The following METTL24 variants were observed in gnomAD, a reference collection of about 807,000 sequenced individuals.
METTL24 encodes probable methyltransferase-like protein 24.
A neutral mutation model predicts 32.7 loss-of-function variants in METTL24; 29 were observed. That is an observed-to-expected ratio of 0.89 (90% CI 0.66 to 1.21). The LOEUF (loss-of-function observed/expected upper bound fraction) is 1.21, where lower values mean the gene tolerates loss of function less well. Among genes scored for constraint, METTL24 ranks in the 50% most tolerant of loss-of-function variants. METTL24 has a pLI of 0.00. For missense variants in METTL24, 439 were observed against 468.1 expected (o/e 0.94, Z 0.57); for synonymous variants, 163 against 179.5 (o/e 0.91, Z 0.73).
intron 3 of METTL24, among the ~76,000 whole-genome samples, chr6:110,300,017 A>T (rs919637603): frequency 6.6e-6 from 1 of 152,198 alleles, no homozygotes. Context: ...ACTTGGCCGA[A>T]CCTAAACCCA....
intron 4 of METTL24, among the ~76,000 whole-genome samples, chr6:110,286,057 C>T (rs941250781): frequency 2.6e-5 from 4 of 152,292 alleles, no homozygotes; most frequent in African/African-American, 7.2e-5. Context: ...CTCTCACTAA[C>T]ACGTGCTCGT....
At chr6:110,318,362 C>A (rs1262275606) in intron 2 of METTL24, among the ~76,000 whole-genome samples, 1 of 152,064 alleles carries the variant, frequency 6.6e-6, no homozygotes, top group Non-Finnish European at 1.5e-5. Context: ...AAATAAAACA[C>A]AAGGGCCGGG....
chr6:110,290,273 A>G (rs188190656), intron 4 of METTL24, among the ~76,000 whole-genome samples: 32 of 152,330 alleles, frequency 2.1e-4, no homozygotes, highest in African/African-American at 7.7e-4. Flanking sequence ...CGTACTCAAA[A>G]TATAGAATGT....
intron 2 of METTL24, among the ~76,000 whole-genome samples, chr6:110,319,693 C>A (rs979156655): frequency 4.6e-5 from 7 of 151,534 alleles, no homozygotes; most frequent in Admixed American, 3.9e-4. Flanking sequence ...AGAACTCTGT[C>A]GTGTATCATG....
chr6:110,301,625 CACA>C (rs1771518606), intron 3 of METTL24, among the ~76,000 whole-genome samples: 1 of 152,160 alleles, frequency 6.6e-6, no homozygotes, highest in Non-Finnish European at 1.5e-5. Context: ...AAGAAAGCCT[CACA>C]GCTAAGCCCA....
At chr6:110,326,940 C>T (rs938079798) in intron 1 of METTL24, among the ~76,000 whole-genome samples, 1 of 152,160 alleles carries the variant, frequency 6.6e-6, no homozygotes, top group Non-Finnish European at 1.5e-5. Flanking sequence ...GCTTCTTGTT[C>T]CAGCATTCTT....
At chr6:110,313,612 C>A (rs1347891098) in intron 3 of METTL24, among the ~76,000 whole-genome samples, 1 of 152,200 alleles carries the variant, frequency 6.6e-6, no homozygotes, top group African/African-American at 2.4e-5. Flanking sequence ...ATAGGACCAA[C>A]TTGCACGTGG....
At chr6:110,316,518 A>G (rs1771822006) in intron 2 of METTL24, among the ~76,000 whole-genome samples, 1 of 152,222 alleles carries the variant, frequency 6.6e-6, no homozygotes, top group Non-Finnish European at 1.5e-5. Flanking sequence ...TAGACCACAG[A>G]CCGCTCCAGA....
intron 1 of METTL24, among the ~76,000 whole-genome samples, chr6:110,326,903 G>A (rs1294859687): frequency 6.6e-6 from 1 of 152,194 alleles, no homozygotes; most frequent in Non-Finnish European, 1.5e-5. Context: ...GCAGGGTGGA[G>A]GTTGGGCCAG....
chr6:110,340,692 T>G (rs1434878230), intron 1 of METTL24, among the ~76,000 whole-genome samples: 1 of 152,212 alleles, frequency 6.6e-6, no homozygotes, highest in Non-Finnish European at 1.5e-5. Context: ...ATCAAAATTT[T>G]GTAACTCAAA....
At chr6:110,249,731 T>G (rs1413463726) in intron 4 of METTL24, among the ~76,000 whole-genome samples, 1 of 151,954 alleles carries the variant, frequency 6.6e-6, no homozygotes, top group Non-Finnish European at 1.5e-5. Context: ...TAGATGGGAA[T>G]AATCAAGTGC....
At chr6:110,295,836 AGG>A (rs1771406794) in intron 4 of METTL24, among the ~76,000 whole-genome samples, 2 of 148,446 alleles carry the variant, frequency 1.3e-5, no homozygotes, top group Admixed American at 6.7e-5. Context: ...GAAGGAAGGA[AGG>A]AAGGTTCTCT....
intron 1 of METTL24, among the ~76,000 whole-genome samples, chr6:110,339,677 G>C (rs761265753): frequency 6.6e-6 from 1 of 152,292 alleles, no homozygotes; most frequent in South Asian, 2.1e-4. Flanking sequence ...AAATGTACAC[G>C]TATATGTTTT....
At chr6:110,325,526 G>A (rs1474114930) in intron 1 of METTL24, among the ~76,000 whole-genome samples, 1 of 152,112 alleles carries the variant, frequency 6.6e-6, no homozygotes, top group East Asian at 1.9e-4. Flanking sequence ...AAAAGGGGGG[G>A]TTGACTGAAA....
At chr6:110,328,465 C>T (rs1463178948) in intron 1 of METTL24, among the ~76,000 whole-genome samples, 1 of 152,204 alleles carries the variant, frequency 6.6e-6, no homozygotes, top group East Asian at 1.9e-4. Flanking sequence ...TGAGATTCTA[C>T]TTCCCGAAGG....
chr6:110,342,881 C>T (rs74425195), intron 1 of METTL24, among the ~76,000 whole-genome samples: 1,765 of 152,322 alleles, frequency 0.012, 38 homozygotes, highest in African/African-American at 0.041. Context: ...TGTATCAGTG[C>T]TTCATCCCTT....
intron 1 of METTL24, among the ~76,000 whole-genome samples, chr6:110,325,071 G>GT (rs1299756512): frequency 3.9e-5 from 6 of 152,146 alleles, no homozygotes; most frequent in Admixed American, 3.3e-4. Flanking sequence ...CATTGACAGA[G>GT]TGAGTGCTTC....
At chr6:110,281,771 A>G (rs1771141165) in intron 4 of METTL24, among the ~76,000 whole-genome samples, 1 of 152,160 alleles carries the variant, frequency 6.6e-6, no homozygotes, top group Non-Finnish European at 1.5e-5. Flanking sequence ...AGTTCAGTCA[A>G]CACTTGGTGC....
intron 1 of METTL24, among the ~76,000 whole-genome samples, chr6:110,331,350 G>GA (rs200539463): frequency 0.036 from 5,185 of 142,932 alleles, 339 homozygotes; most frequent in African/African-American, 0.13. Flanking sequence ...TGCAGTGCAG[G>GA]AAAAAAAAAA....
Sources: gnomAD v4.1 joint callset for allele counts (sites outside exome capture counted in the v4.1 genomes callset) on GRCh38, gnomAD v4.1.1 for gene constraint, MANE v1.5 for transcripts, NCBI Gene and HGNC (gene_info 2026-07-23, HGNC 2026-07-21) for gene names.